Variants in SRBD1 observed in about 807,000 individuals in gnomAD.
The protein encoded by SRBD1 is S1 RNA binding domain 1.
A neutral mutation model predicts 115.3 loss-of-function variants in SRBD1; 88 were observed. That is an observed-to-expected ratio of 0.76 (90% confidence interval 0.64 to 0.91). The LOEUF is 0.91. Among genes scored for constraint, SRBD1 ranks in the 40% least tolerant of loss-of-function variants. The pLI, the probability that SRBD1 is intolerant of heterozygous loss-of-function variation, is 0.00. For missense variants in SRBD1, 1,385 were observed against 1,177.4 expected (o/e 1.18, Z -2.58); for synonymous variants, 509 against 407.7 (o/e 1.25, Z -2.99).
intron 7 of SRBD1, among the ~76,000 whole-genome samples, chr2:45,578,357 T>C (rs1673241831): frequency 1.3e-5 from 2 of 152,168 alleles, no homozygotes; most frequent in African/African-American, 4.8e-5. Flanking sequence ...TAACTATAAA[T>C]ACACATTAAA....
chr2:45,412,751 G>A (rs545892619), intron 19 of SRBD1, among the ~76,000 whole-genome samples: 9 of 152,286 alleles, frequency 5.9e-5, no homozygotes, highest in African/African-American at 2.2e-4. Context: ...AGAAAGCTGA[G>A]TTGGTTGTTT....
intron 15 of SRBD1, among the ~76,000 whole-genome samples, chr2:45,480,709 A>AAGC (rs1572687042): frequency 6.6e-6 from 1 of 152,196 alleles, no homozygotes; most frequent in African/African-American, 2.4e-5. Context: ...TTCATTGATA[A>AAGC]AGCAGCAGCA....
chr2:45,504,135 G>A lies in SRBD1; in HGVS notation c.1875-15804C>T, dbSNP rs1670724304. Reference sequence around the variant, plus strand: ...TCATTGCCTTCTAATTGCTCAAGATGGATTTTACATATCTACTAGTCTTCA... The same window carrying A: ...TCATTGCCTTCTAATTGCTCAAGATAGATTTTACATATCTACTAGTCTTCA... On this transcript the variant is annotated intron_variant, in intron 14 of 20. Transcript: ENST00000263736. Among the ~76,000 whole-genome samples the A allele has an allele frequency of 2.0e-5, 3 of 152,048 alleles. No individual in the cohort carries two copies. In the South Asian group the frequency reaches 6.2e-4, roughly 32 times the overall value.
At chr2:45,466,982 C>T (rs763265487) in intron 16 of SRBD1, among the ~76,000 whole-genome samples, 3 of 152,152 alleles carry the variant, frequency 2.0e-5, no homozygotes, top group Non-Finnish European at 4.4e-5. Flanking sequence ...TCAGAGTTTG[C>T]ATCTTTAACA....
chr2:45,477,607 T>C (rs1261656859), intron 15 of SRBD1, among the ~76,000 whole-genome samples: 1 of 152,188 alleles, frequency 6.6e-6, no homozygotes, highest in Non-Finnish European at 1.5e-5. Context: ...TAGAGTGCAG[T>C]GGTGCCATCT....
intron 16 of SRBD1, among the ~76,000 whole-genome samples, chr2:45,443,502 G>A (rs1054411186): frequency 1.6e-4 from 25 of 152,090 alleles, no homozygotes; most frequent in African/African-American, 5.1e-4. Context: ...TTCTAGACAT[G>A]TTAAGTTTGA....
In SRBD1 at chr2:45,572,201, C is replaced by T. The variant is rs575589703; in HGVS notation, c.1305+1006G>A. ...GATTCCTCATAAAAAACTATGGAGG[C>T]CATACCATAAGAGTGGATGGTATAT... On this transcript the variant is annotated intron_variant, in intron 9 of 20. Coordinates refer to ENST00000263736, the MANE Select transcript of SRBD1 (RefSeq NM_018079.5). Among the ~76,000 whole-genome samples, 5 of 151,972 alleles carry T rather than the reference C, an allele frequency of 3.3e-5. No homozygotes were observed. In the South Asian group the frequency reaches 6.2e-4, roughly 19 times the overall value.
chr2:45,602,490 A>G (rs1674127442), intron 2 of SRBD1, among the ~76,000 whole-genome samples: 2 of 152,246 alleles, frequency 1.3e-5, no homozygotes, highest in South Asian at 4.1e-4. Flanking sequence ...ATTCATTTAA[A>G]TTGTATTAAG....
intron 16 of SRBD1, among the ~76,000 whole-genome samples, chr2:45,467,371 A>G (rs746918253): frequency 1.1e-4 from 16 of 152,196 alleles, no homozygotes; most frequent in Non-Finnish European, 1.2e-4. Context: ...ATAATTTAAG[A>G]GTGAGGGAAG....
At chr2:45,585,500 A>G (rs1673489953) in intron 5 of SRBD1, 108 bp downstream of exon 5, 1 of 1,240,426 alleles carries the variant, frequency 8.1e-7, no homozygotes, top group Admixed American at 2.6e-5. Context: ...ACAATAATTC[A>G]AGGAAACAAA....
intron 16 of SRBD1, among the ~76,000 whole-genome samples, chr2:45,459,559 A>T (rs1222119465): frequency 1.3e-5 from 2 of 152,198 alleles, no homozygotes; most frequent in Admixed American, 1.3e-4. Flanking sequence ...ATGAATAAAC[A>T]ACAGGAATAA....
chr2:45,492,723 G>A (rs373321203), intron 14 of SRBD1, among the ~76,000 whole-genome samples: 19 of 152,190 alleles, frequency 1.2e-4, no homozygotes, highest in African/African-American at 3.9e-4. Context: ...ACAGGCGCAA[G>A]CCACTGCGCC....
At chr2:45,559,094 T>C (rs1001622990) in intron 10 of SRBD1, among the ~76,000 whole-genome samples, 2 of 152,150 alleles carry the variant, frequency 1.3e-5, no homozygotes, top group African/African-American at 4.8e-5. Flanking sequence ...ACCTCCTAAA[T>C]ATTGCCCAAA....
chr2:45,585,178 A>C (rs1007072813), intron 5 of SRBD1, among the ~76,000 whole-genome samples: 5 of 152,136 alleles, frequency 3.3e-5, no homozygotes, highest in Non-Finnish European at 5.9e-5. Context: ...GGAAAAGGAA[A>C]TATACATATT....
chr2:45,414,963 T>C lies in SRBD1; in HGVS notation c.2334-1670A>G, dbSNP rs1210024413. Among the ~76,000 whole-genome samples the C allele has an allele frequency of 7.4e-4, 74 of 99,622 alleles. 14 individuals are homozygous for C. Among genetic ancestry groups the C allele is most frequent in the African/African-American group, 2.6e-3 (65 of 24,902 alleles). 65.4% of individuals were successfully genotyped at this position (99,622 alleles called of 152,430 possible). A position where few individuals can be genotyped will look rare whatever the true frequency, so the allele number is the denominator to read the frequency against. ...TATATAGTATGTACATACACACACA[T>C]ATAGTGTGTATATAGTATGTATATA... On this transcript the variant is annotated intron_variant, in intron 18 of 20. Coordinates refer to ENST00000263736, the MANE Select transcript of SRBD1 (RefSeq NM_018079.5).
At chr2:45,581,481 A>C (rs147684555) in intron 6 of SRBD1, among the ~76,000 whole-genome samples, 40 of 152,302 alleles carry the variant, frequency 2.6e-4, no homozygotes, top group African/African-American at 9.4e-4. Context: ...TGAGACAAAG[A>C]CTATGTATTT....
intron 18 of SRBD1, among the ~76,000 whole-genome samples, chr2:45,418,147 G>A (rs12612131): frequency 0.16 from 24,834 of 152,112 alleles, 2,672 homozygotes; most frequent in African/African-American, 0.3. Flanking sequence ...TATTGTCTGT[G>A]TCACATGTTA....
chr2:45,450,593 G>C (rs1309275699), intron 16 of SRBD1, among the ~76,000 whole-genome samples: 1 of 152,106 alleles, frequency 6.6e-6, no homozygotes, highest in East Asian at 1.9e-4. Context: ...TAGTCCATTA[G>C]ATGTTCAAGG....
intron 17 of SRBD1, among the ~76,000 whole-genome samples, chr2:45,419,159 T>C (rs942264232): frequency 6.6e-6 from 1 of 152,164 alleles, no homozygotes. Context: ...TGTTAGAAAA[T>C]CAACAACTTA....
Sources: gnomAD v4.1 joint callset for allele counts (sites outside exome capture counted in the v4.1 genomes callset) on GRCh38, gnomAD v4.1.1 for gene constraint, MANE v1.5 for transcripts, NCBI Gene and HGNC (gene_info 2026-07-23, HGNC 2026-07-21) for gene names.